Variants in TESC observed in about 807,000 individuals in gnomAD.
TESC encodes the protein tescalcin.
A neutral mutation model predicts 31.0 loss-of-function variants in TESC; 19 were observed. The ratio of observed to expected loss-of-function variants is 0.61; its 90% CI spans 0.43 to 0.90. TESC has a LOEUF of 0.90. TESC is among the 40% of genes least tolerant of loss of function. The pLI is 0.00. For missense variants in TESC, 248 were observed against 303.8 expected (o/e 0.82, Z 1.36); for synonymous variants, 109 against 114.8 (o/e 0.95, Z 0.32).
At chr12:117,056,352 C>T (rs1433974672) in intron 3 of TESC, among the ~76,000 whole-genome samples, 1 of 138,832 alleles carries the variant, frequency 7.2e-6, no homozygotes, top group Non-Finnish European at 1.5e-5. Flanking sequence ...CCACTGTGCC[C>T]AGCCTTAAAT....
intron 2 of TESC, 39 bp from the exon 3 acceptor site, chr12:117,056,925 G>A: frequency 1.9e-6 from 3 of 1,605,506 alleles, no homozygotes; most frequent in Non-Finnish European, 2.6e-6. Flanking sequence ...AAGAGAATAA[G>A]GAAAGATAGC....
chr12:117,046,580 G>C lies in TESC; in HGVS notation c.498C>G (p.Ala166=). 3 of 1,550,936 alleles carry C rather than the reference G, an allele frequency of 1.9e-6. No individual in the cohort carries two copies. Among genetic ancestry groups the C allele is most frequent in the Middle Eastern group, 3.3e-4 (2 of 5,986 alleles). Residue 166 remains alanine (A), a synonymous_variant, in exon 6 of 8, where the codon GCC becomes GCG. Transcript: ENST00000335209. ...SIADGAMMEA[A]SVCMGQMEPD... is the part of the protein sequence containing the mutation. ...TCACCATCTGCCCCATGCACACGCT[G>C]GCCGCCTCCATCATGGCCCCGTCGG... is the stretch of plus-strand genomic sequence containing the variant.
intron 6 of TESC, 57 bp downstream of exon 6, chr12:117,046,502 G>A (rs899444143): frequency 2.5e-5 from 37 of 1,479,584 alleles, no homozygotes; most frequent in South Asian, 1.4e-4. Flanking sequence ...TTCCAGAAAC[G>A]CAGACCATAA....
At chr12:117,075,386 CACTG>C (rs1955036481) in intron 1 of TESC, 46 bp from the exon 2 acceptor site, 2 of 1,584,580 alleles carry the variant, frequency 1.3e-6, no homozygotes, top group Non-Finnish European at 1.7e-6. Flanking sequence ...AAAAAAAAAT[CACTG>C]ACTGTCAGAG....
At chr12:117,083,395 C>A (rs1955175231) in intron 1 of TESC, among the ~76,000 whole-genome samples, 1 of 152,202 alleles carries the variant, frequency 6.6e-6, no homozygotes, top group Non-Finnish European at 1.5e-5. Context: ...TCCATTTATA[C>A]CCGAGATAAA....
intron 2 of TESC, among the ~76,000 whole-genome samples, chr12:117,059,211 T>A (rs1000887250): frequency 2.0e-5 from 3 of 152,178 alleles, no homozygotes; most frequent in Non-Finnish European, 4.4e-5. Flanking sequence ...GCCGTTTGGG[T>A]TGGAAGATTC....
At chr12:117,094,828 C>T (rs1379561435) in intron 1 of TESC, among the ~76,000 whole-genome samples, 3 of 151,660 alleles carry the variant, frequency 2.0e-5, no homozygotes, top group Non-Finnish European at 4.4e-5. Context: ...CCAGCCTGGC[C>T]GACATGGTGA....
intron 1 of TESC, among the ~76,000 whole-genome samples, chr12:117,080,226 G>A (rs1260762278): frequency 6.6e-6 from 1 of 152,166 alleles, no homozygotes; most frequent in African/African-American, 2.4e-5. Context: ...CCAGCACTTC[G>A]GGAGGCTGAG....
intron 6 of TESC, among the ~76,000 whole-genome samples, chr12:117,045,812 C>A (rs1954549582): frequency 6.6e-6 from 1 of 152,228 alleles, no homozygotes; most frequent in South Asian, 2.1e-4. Context: ...GCCATCCAAA[C>A]CCCTCAGGGA....
At chr12:117,082,186 G>A (rs933622445) in intron 1 of TESC, among the ~76,000 whole-genome samples, 1 of 152,096 alleles carries the variant, frequency 6.6e-6, no homozygotes, top group African/African-American at 2.4e-5. Flanking sequence ...GAGCAGCAGA[G>A]CGAGGGGCTG....
chr12:117,088,233 G>C (rs924787069), intron 1 of TESC, among the ~76,000 whole-genome samples: 2 of 152,086 alleles, frequency 1.3e-5, no homozygotes, highest in Non-Finnish European at 2.9e-5. Flanking sequence ...ATGATGAAGG[G>C]GGAAAAAAGC....
rs201705617 is a variant in TESC, at chr12:117,077,970, T to C, written c.59-2630A>G. Among the ~76,000 whole-genome samples, 5 of 151,710 alleles carry C rather than the reference T, an allele frequency of 3.3e-5. No homozygotes were observed. The East Asian group carries it at 5.8e-4, about 18-fold the overall frequency. Reference sequence around the variant, plus strand: ...GACAAAACATTTACTAAAAAAAAAATGTGTTATTCCTCCCTGACTAAAGGA... The same window carrying C: ...GACAAAACATTTACTAAAAAAAAAACGTGTTATTCCTCCCTGACTAAAGGA... On this transcript the variant is annotated intron_variant, in intron 1 of 7. Coordinates refer to ENST00000335209, the MANE Select transcript of TESC (RefSeq NM_017899.4).
At chr12:117,097,103 G>A (rs971253842) in intron 1 of TESC, among the ~76,000 whole-genome samples, 1 of 152,186 alleles carries the variant, frequency 6.6e-6, no homozygotes, top group African/African-American at 2.4e-5. Context: ...CCAGCCCCTG[G>A]TCTATAAATA....
intron 3 of TESC, among the ~76,000 whole-genome samples, chr12:117,053,319 G>C (rs929872502): frequency 1.3e-5 from 2 of 152,136 alleles, no homozygotes; most frequent in African/African-American, 2.4e-5. Context: ...TGAAAACAGA[G>C]AGGCATCTGC....
intron 3 of TESC, among the ~76,000 whole-genome samples, chr12:117,053,775 C>A (rs910360074): frequency 6.6e-6 from 1 of 152,110 alleles, no homozygotes; most frequent in Non-Finnish European, 1.5e-5. Context: ...CATACACACA[C>A]GCACGCACCC....
Position 117,056,814 on chromosome 12 carries a change from G to C in TESC, c.201C>G (p.Phe67Leu). The C allele has an allele frequency of 1.2e-6, 2 of 1,614,132 alleles. No individual in the cohort carries two copies. ...CAGGGGAAAACGCCCACCTGTTGTC[G>C]AAGAAGGCACGAACAATTTTGGATC... ...PIRSKIVRAF[F>L]DNRNLRKGPS... The change falls in exon 3 of 8, where the codon TTC becomes TTG. Residue 67 changes from phenylalanine (F) to leucine (L), a missense_variant. Phe to Leu is a conservative substitution (Grantham distance 22). Coordinates refer to ENST00000335209, the MANE Select transcript of TESC (RefSeq NM_017899.4).
At chr12:117,096,581 G>A (rs1955399056) in intron 1 of TESC, among the ~76,000 whole-genome samples, 1 of 110,380 alleles carries the variant, frequency 9.1e-6, no homozygotes, top group South Asian at 2.6e-4. Context: ...TTTAAAGCAT[G>A]GTCAATAACA....
intron 1 of TESC, among the ~76,000 whole-genome samples, chr12:117,093,121 T>C (rs1386929174): frequency 6.6e-6 from 1 of 152,120 alleles, no homozygotes. Context: ...CATCAGACCC[T>C]TCCTCCCGCT....
chr12:117,046,718 T>TG (rs759845839), intron 5 of TESC, 52 bp from the exon 6 acceptor site: 9 of 1,552,130 alleles, frequency 5.8e-6, no homozygotes, highest in Admixed American at 2.0e-5. Flanking sequence ...ATCAGGGTCG[T>TG]GGGGGGCAGA....
Sources: gnomAD v4.1 joint callset for allele counts (sites outside exome capture counted in the v4.1 genomes callset) on GRCh38, gnomAD v4.1.1 for gene constraint, MANE v1.5 for transcripts, NCBI Gene and HGNC (gene_info 2026-07-23, HGNC 2026-07-21) for gene names.